ASPH: variants seen among roughly 807,000 people sequenced by gnomAD.
The protein encoded by ASPH is aspartyl/asparaginyl beta-hydroxylase.
ASPH carries 100 observed loss-of-function variants against 118.4 expected under a neutral mutation model. That is an observed-to-expected ratio of 0.84 (90% confidence interval 0.72 to 1.00). ASPH has a LOEUF of 1.00. Ranked by LOEUF, ASPH falls within the 50% of genes least tolerant of loss-of-function variation. The pLI is 0.00. For synonymous variants in ASPH, 315 were observed against 325.6 expected (o/e 0.97, Z 0.35); for missense variants, 920 against 919.5 (o/e 1.00, Z -0.01).
chr8:61,616,010 T>A (rs537751320), intron 14 of ASPH, among the ~76,000 whole-genome samples: 1 of 152,378 alleles, frequency 6.6e-6, no homozygotes, highest in Admixed American at 6.5e-5. Context: ...TTAATAAATC[T>A]GTGATGACAT....
chr8:61,590,817 A>G (rs957480154), intron 14 of ASPH, among the ~76,000 whole-genome samples: 25 of 152,138 alleles, frequency 1.6e-4, no homozygotes, highest in African/African-American at 6.0e-4. Flanking sequence ...CTTCCTGGAA[A>G]ACCCTTTCCT....
At position 61,636,381 on chromosome 8, in the gene ASPH, G is replaced by A. The variant is rs533439555; in HGVS notation, c.889+1566C>T. ...TTGGGATTAGCTATAGAGACAGAGGGAGAGAGGACTCAAAAACGAGTTCCA... is the reference window on the plus strand; with the variant it reads ...TTGGGATTAGCTATAGAGACAGAGGAAGAGAGGACTCAAAAACGAGTTCCA... On this transcript the variant is annotated intron_variant, in intron 12 of 24. Transcript: ENST00000379454. Among the ~76,000 whole-genome samples, 65 of 152,328 alleles carry A rather than the reference G, an allele frequency of 4.3e-4. 1 individual carries two copies. In the Middle Eastern group the frequency reaches 0.01, roughly 24 times the overall value.
intron 14 of ASPH, among the ~76,000 whole-genome samples, chr8:61,616,866 T>C (rs1484872796): frequency 6.6e-6 from 1 of 152,214 alleles, no homozygotes; most frequent in African/African-American, 2.4e-5. Flanking sequence ...CCTACTGGGA[T>C]GTGAGTTCCC....
At chr8:61,560,188 C>T (rs758749273) in intron 18 of ASPH, among the ~76,000 whole-genome samples, 18 of 152,242 alleles carry the variant, frequency 1.2e-4, no homozygotes, top group Admixed American at 2.0e-4. Flanking sequence ...AATGGGTATA[C>T]GTGAGCAGTG....
intron 15 of ASPH, chr8:61,582,862 G>A (rs7817779): frequency 1.0e-3 from 157 of 152,240 alleles, no homozygotes; most frequent in African/African-American, 3.6e-3. Context: ...CTACATTCAA[G>A]TGCAGAGTAG....
chr8:61,652,141 T>C (rs1423971202), intron 4 of ASPH, among the ~76,000 whole-genome samples: 1 of 152,250 alleles, frequency 6.6e-6, no homozygotes. Flanking sequence ...TTTATATATG[T>C]AGTCTTGTGC....
chr8:61,555,849 A>C (rs1024427050), intron 19 of ASPH, 75 bp downstream of exon 19: 8 of 1,298,154 alleles, frequency 6.2e-6, no homozygotes, highest in Admixed American at 1.9e-5. Context: ...ATCAATCTAC[A>C]AGGAATAAGC....
intron 21 of ASPH, among the ~76,000 whole-genome samples, chr8:61,536,040 T>TTC (rs1293389017): frequency 6.7e-6 from 1 of 149,762 alleles, no homozygotes; most frequent in African/African-American, 2.4e-5. Context: ...CAGGTGACTT[T>TTC]TTTTTTTTTT....
At chr8:61,574,088 C>T (rs554418368) in intron 16 of ASPH, among the ~76,000 whole-genome samples, 23 of 152,246 alleles carry the variant, frequency 1.5e-4, no homozygotes, top group East Asian at 5.8e-4. Flanking sequence ...GGCCAACAAA[C>T]GTGAAATAAA....
chr8:61,638,435 G>A, intron 10 of ASPH, 72 bp from the exon 11 acceptor site: 3 of 1,335,060 alleles, frequency 2.2e-6, no homozygotes, highest in South Asian at 1.3e-5. Context: ...CATGCTTTAA[G>A]GGCAGAGACA....
At chr8:61,553,217 C>T (rs1826650891) in intron 19 of ASPH, 97 bp from the exon 20 acceptor site, 1 of 936,928 alleles carries the variant, frequency 1.1e-6, no homozygotes, top group Non-Finnish European at 1.6e-6. Flanking sequence ...CGTATGAAAA[C>T]CTAAAAACCA....
chr8:61,567,234 G>A lies in ASPH; in HGVS notation c.1234C>T (p.Pro412Ser), dbSNP rs1357551091. 1 of 1,614,036 alleles carries A rather than the reference G, an allele frequency of 6.2e-7. No homozygotes were observed. Among genetic ancestry groups the A allele is most frequent in the East Asian group, 2.2e-5 (1 of 44,872 alleles). Residue 412 changes from proline to serine, a missense_variant, in exon 17 of 25, where the codon CCT becomes TCT. Physicochemically the swap from Pro to Ser is moderately conservative, Grantham distance 74 (BLOSUM62 -1). Coordinates refer to ENST00000379454, the MANE Select transcript of ASPH (RefSeq NM_004318.4). ...TTCAGCAGGTCTGCAGGGACATCAG[G>A]TAGGCTGGCCACCTCTTGGTAGGTC... ...IETYQEVASL[P>S]DVPADLLKLS... is the part of the protein sequence containing the mutation.
rs1372971152 is a variant in ASPH at position 61,555,962 on chromosome 8, C to T, written c.1498G>A (p.Ala500Thr). Reference protein sequence around the residue: ...AKVHYGFILKAQNKIAESIPY... With the variant: ...AKVHYGFILKTQNKIAESIPY... ...ATGCTCTCAGCAATTTTGTTCTGTG[C>T]CTTCAGGATGAAGCCATAATGGACT... The change falls in exon 19 of 25, where the codon GCA becomes ACA. Residue 500 changes from alanine to threonine, a missense_variant. Transcript: ENST00000379454. 6.2e-7 allele frequency: 1 copy of T among 1,613,988 alleles called. No homozygotes were observed. Among genetic ancestry groups the T allele is most frequent in the Non-Finnish European group, 8.5e-7 (1 of 1,179,962 alleles).
intron 3 of ASPH, chr8:61,663,800 GTTGAAGTTTCTGTCAACTAAA>G: frequency 1.0e-6 from 1 of 980,830 alleles, no homozygotes; most frequent in Admixed American, 6.2e-5. Flanking sequence ...ATTCTATTGA[GTTGAAGTTTCTGTCAACTAAA>G]TGTCGTAAAG....
chr8:61,687,949 T>A (rs1358768309), intron 1 of ASPH, among the ~76,000 whole-genome samples: 5 of 152,208 alleles, frequency 3.3e-5, no homozygotes, highest in African/African-American at 1.2e-4. Flanking sequence ...TGGAAGGGAT[T>A]CTTTTTTAAG....
At chr8:61,593,674 T>C (rs890127653) in intron 14 of ASPH, among the ~76,000 whole-genome samples, 1 of 152,220 alleles carries the variant, frequency 6.6e-6, no homozygotes, top group Non-Finnish European at 1.5e-5. Context: ...TTATAAATTA[T>C]ACATCACTCC....
chr8:61,675,557 AAATTAC>A, intron 3 of ASPH: 1 of 979,874 alleles, frequency 1.0e-6, no homozygotes, highest in Non-Finnish European at 1.2e-6. Flanking sequence ...AAACCTAAAC[AAATTAC>A]AATAAAAAAT....
Position 61,517,676 on chromosome 8 carries a change from T to C in ASPH, c.1993-15A>G, listed in dbSNP as rs921528048. ...GAATATTTGATCTGCATAGAAAACA[T>C]GACACTCCATTCAGCCATTTATCAA... On this transcript the variant is annotated splice_polypyrimidine_tract_variant and intron_variant, in intron 23 of 24. Transcript: ENST00000379454. 6.2e-7 allele frequency: 1 copy of C among 1,609,044 alleles called. No homozygotes were observed. The highest frequency in any genetic ancestry group is 8.5e-7 in the Non-Finnish European group (1 of 1,175,812).
At chr8:61,534,007 G>A (rs1789809222) in intron 21 of ASPH, among the ~76,000 whole-genome samples, 1 of 152,160 alleles carries the variant, frequency 6.6e-6, no homozygotes, top group Non-Finnish European at 1.5e-5. Flanking sequence ...GAGTACAATG[G>A]CGCGATCTCG....
Sources: gnomAD v4.1 joint callset for allele counts (sites outside exome capture counted in the v4.1 genomes callset) on GRCh38, gnomAD v4.1.1 for gene constraint, MANE v1.5 for transcripts, NCBI Gene and HGNC (gene_info 2026-07-23, HGNC 2026-07-21) for gene names.